Variants in CUX1 observed in about 807,000 individuals in gnomAD.
CUX1 encodes cut like homeobox 1.
In CUX1, 31 loss-of-function variants were observed where a neutral mutation model predicts 158.8. That is an observed-to-expected ratio of 0.20 (90% CI 0.15 to 0.26). The LOEUF (loss-of-function observed/expected upper bound fraction) is 0.26. Ranked by LOEUF, CUX1 falls within the 10% of genes least tolerant of loss-of-function variation. The pLI is 1.00. For missense variants in CUX1, 1,589 were observed against 2,014.6 expected (o/e 0.79, Z 4.04); for synonymous variants, 879 against 862.1 (o/e 1.02, Z -0.34).
intron 3 of CUX1, among the ~76,000 whole-genome samples, chr7:102,048,081 A>G (rs1445086663): frequency 6.6e-6 from 1 of 152,052 alleles, no homozygotes. Flanking sequence ...CACCATTTCC[A>G]TGATGTCGCT....
Position 102,092,850 on chromosome 7 carries a change from A to T in CUX1, c.269-4514A>T, listed in dbSNP as rs536557903. On this transcript the variant is annotated intron_variant, in intron 4 of 23. Transcript: ENST00000292535. ...ATTGCTTGAACACGGGAGGCAGAGG[A>T]TGTAGTGAGCCAAGATAGCGCCACT... 6.3e-5 allele frequency among the ~76,000 whole-genome samples: 9 copies of T among 143,520 alleles called. No individual in the cohort carries two copies. The East Asian group carries it at 2.2e-3, about 34-fold the overall frequency. 94.2% of individuals were successfully genotyped at this position (143,520 alleles called of 152,430 possible). A position where few individuals can be genotyped will look rare whatever the true frequency, so the allele number is the denominator to read the frequency against.
chr7:102,038,856 G>A (rs1821733946), intron 3 of CUX1, among the ~76,000 whole-genome samples: 1 of 152,170 alleles, frequency 6.6e-6, no homozygotes. Flanking sequence ...TCAGGAGGCT[G>A]AGGCAGGAGG....
chr7:101,984,619 G>C (rs1458372304), intron 2 of CUX1, among the ~76,000 whole-genome samples: 1 of 152,080 alleles, frequency 6.6e-6, no homozygotes, highest in African/African-American at 2.4e-5. Flanking sequence ...GTTGTGCTTG[G>C]ATGATGGCAT....
Position 102,239,405 on chromosome 7 carries a change from C to T in CUX1, c.3708C>T (p.Ala1236=). ...TCGGCACCGAGTACAGCCAGGGCGCCAGCCCCCAGCCCCAGCACCAGCTGA... is the reference window on the plus strand; with the variant it reads ...TCGGCACCGAGTACAGCCAGGGCGCTAGCCCCCAGCCCCAGCACCAGCTGA... ...PSVGTEYSQG[A]SPQPQHQLKK... Residue 1236 remains alanine (A), a synonymous_variant, in exon 23 of 24, where the codon GCC becomes GCT. Coordinates refer to ENST00000292535, the MANE Select transcript of CUX1 (RefSeq NM_181552.4). The T allele has an allele frequency of 3.7e-6, 6 of 1,613,666 alleles. No homozygotes were observed. Among genetic ancestry groups the T allele is most frequent in the Non-Finnish European group, 5.1e-6 (6 of 1,179,944 alleles).
chr7:102,250,315 C>G lies in CUX1; in HGVS notation c.*1273C>G. ...CAGGCAGTTCCAGGGCCAGACGGGC[C>G]CATCCCCAAGTAGATAGCAGTCTAC... On this transcript the variant is annotated 3_prime_UTR_variant, in exon 24 of 24. Transcript: ENST00000292535. 1.0e-6 allele frequency: 1 copy of G among 985,418 alleles called. No homozygotes were observed. Among genetic ancestry groups the G allele is most frequent in the African/African-American group, 1.7e-5 (1 of 57,338 alleles). The allele number at this position is 985,418 out of a possible 1,614,324, so 61.0% of individuals were successfully genotyped here.
intron 2 of CUX1, among the ~76,000 whole-genome samples, chr7:101,918,697 G>A (rs182890831): frequency 1.3e-5 from 2 of 152,360 alleles, no homozygotes; most frequent in Admixed American, 6.5e-5. Flanking sequence ...TCTGTGGGGC[G>A]CCCACGCGGA....
intron 3 of CUX1, among the ~76,000 whole-genome samples, chr7:102,067,528 A>C (rs1585508311): frequency 2.0e-5 from 3 of 149,248 alleles, no homozygotes; most frequent in Non-Finnish European, 3.0e-5. Flanking sequence ...GAGCCACCGC[A>C]CCTGACCACA....
intron 8 of CUX1, among the ~76,000 whole-genome samples, chr7:102,141,307 G>T (rs1254775837): frequency 6.6e-6 from 1 of 152,124 alleles, no homozygotes; most frequent in African/African-American, 2.4e-5. Context: ...CCAGCCCTGC[G>T]GGGTACAGGA....
At chr7:102,224,340 G>A (rs1393128281) in intron 20 of CUX1, among the ~76,000 whole-genome samples, 5 of 152,148 alleles carry the variant, frequency 3.3e-5, no homozygotes, top group Non-Finnish European at 7.4e-5. Flanking sequence ...CCCAGTAGCT[G>A]GGATTACAGG....
intron 8 of CUX1, among the ~76,000 whole-genome samples, chr7:102,143,362 G>T (rs1834667168): frequency 6.6e-6 from 1 of 152,110 alleles, no homozygotes; most frequent in Admixed American, 6.6e-5. Flanking sequence ...TCCAACTCCT[G>T]GGCTCAAACG....
intron 5 of CUX1, among the ~76,000 whole-genome samples, chr7:102,100,714 C>A (rs142473378): frequency 6.6e-6 from 1 of 152,104 alleles, no homozygotes; most frequent in Admixed American, 6.5e-5. Flanking sequence ...TGCCTATAAT[C>A]CTAGCACTTT....
intron 6 of CUX1, among the ~76,000 whole-genome samples, chr7:102,109,350 CAT>C (rs1271036101): frequency 2.6e-5 from 4 of 152,136 alleles, no homozygotes; most frequent in African/African-American, 4.8e-5. Flanking sequence ...AGAGAAATAA[CAT>C]AGCTTTACTC....
chr7:102,233,625 A>G (rs1185469292), intron 21 of CUX1, among the ~76,000 whole-genome samples: 1 of 152,150 alleles, frequency 6.6e-6, no homozygotes, highest in African/African-American at 2.4e-5. Context: ...CGTCTCTACT[A>G]AAAATACAAA....
chr7:102,136,538 C>T (rs1396436655), intron 8 of CUX1, among the ~76,000 whole-genome samples: 1 of 152,066 alleles, frequency 6.6e-6, no homozygotes, highest in Non-Finnish European at 1.5e-5. Context: ...ATTACAGGCA[C>T]CGCCACCACA....
At chr7:102,050,843 T>C (rs2130071947) in intron 3 of CUX1, among the ~76,000 whole-genome samples, 1 of 152,170 alleles carries the variant, frequency 6.6e-6, no homozygotes, top group East Asian at 1.9e-4. Context: ...GCTGGGACTA[T>C]GGGCACATGC....
chr7:101,936,078 G>GC (rs1444895995), intron 2 of CUX1, among the ~76,000 whole-genome samples: 2 of 152,176 alleles, frequency 1.3e-5, no homozygotes, highest in Non-Finnish European at 2.9e-5. Flanking sequence ...TGAGCAGAAG[G>GC]CCAAGGTCCC....
In CUX1 at chr7:102,201,352, C is replaced by T. The variant is rs201396561; in HGVS notation, c.2063-8C>T. On this transcript the variant is annotated splice_polypyrimidine_tract_variant and splice_region_variant and intron_variant, in intron 17 of 23. Coordinates refer to ENST00000292535, the MANE Select transcript of CUX1 (RefSeq NM_181552.4). This position sits in a 1 kb window ranked among gnomAD's most constrained non-coding sequence, Gnocchi z 5.0. ...CTGCCACACTCTCACCCCTGTTTCT[C>T]CATGCAGCAGAGCCGGCCCAGCCTT... The T allele has an allele frequency of 3.3e-3, 5,247 of 1,610,000 alleles. 11 individuals carry two copies. The highest frequency in any genetic ancestry group is 4.1e-3 in the Non-Finnish European group (4,828 of 1,177,484).
chr7:102,088,712 G>C (rs1443586795), intron 4 of CUX1, among the ~76,000 whole-genome samples: 1 of 152,156 alleles, frequency 6.6e-6, no homozygotes, highest in Non-Finnish European at 1.5e-5. Context: ...TGGACTGACT[G>C]TTTCTGAGAC....
chr7:101,932,481 CGCAGCATTTTCAAG>C, intron 2 of CUX1: 1 of 422,042 alleles, frequency 2.4e-6, no homozygotes, highest in Non-Finnish European at 4.9e-6. Flanking sequence ...CGCTTACGAG[CGCAGCATTTTCAAG>C]CCTTTTCTTG....
Sources: allele counts gnomAD v4.1 joint callset (sites outside exome capture counted in the v4.1 genomes callset), GRCh38; gene constraint gnomAD v4.1.1; non-coding constraint Gnocchi (gnomAD v3.1); transcripts MANE v1.5; gene names NCBI Gene and HGNC (gene_info 2026-07-23, HGNC 2026-07-21).